The following MAN2A2 variants were observed in gnomAD, a reference collection of about 807,000 sequenced individuals.
MAN2A2 encodes alpha-mannosidase 2x.
In MAN2A2, 79 loss-of-function variants were observed where a neutral mutation model predicts 126.8. The ratio of observed to expected loss-of-function variants is 0.62; its 90% confidence interval spans 0.52 to 0.75. The LOEUF (loss-of-function observed/expected upper bound fraction) is 0.75, where lower values mean the gene tolerates loss of function less well. MAN2A2 is among the 30% of genes least tolerant of loss of function. The probability of loss-of-function intolerance (pLI) is 0.00; values close to 1 mark genes in which losing one functional copy is unlikely to be tolerated. For missense variants in MAN2A2, 1,392 were observed against 1,522.4 expected (o/e 0.91, Z 1.43); for synonymous variants, 671 against 618.7 (o/e 1.08, Z -1.25).
chr15:90,904,398 C>T (rs896224654), intron 2 of MAN2A2, 59 bp downstream of exon 2: 2 of 1,571,218 alleles, frequency 1.3e-6, no homozygotes, highest in African/African-American at 1.3e-5. Context: ...TCAGGGTATG[C>T]ACCTCCCACC....
At chr15:90,918,824 T>G (rs899745427) in intron 22 of MAN2A2, 69 bp downstream of exon 22, 4 of 1,121,062 alleles carry the variant, frequency 3.6e-6, no homozygotes. Flanking sequence ...GGGCTGAGAT[T>G]CGGTGACAGG....
Position 90,918,723 on chromosome 15 carries a change from T to C in MAN2A2, c.3268T>C (p.Leu1090=), listed in dbSNP as rs1190424155. The stretch of plus-strand genomic sequence containing the variant: ...TGACTGCGGCCTGGAGGCCAAGAAC[T>C]TGGGCTTCAACTGCACCACAAGCCA... ...GFDCGLEAKN[L]GFNCTTSQGK... Residue 1090 remains leucine, a synonymous_variant, in exon 22 of 23, where the codon TTG becomes CTG. Coordinates refer to ENST00000559717, the MANE Select transcript of MAN2A2 (RefSeq NM_006122.4). The C allele has an allele frequency of 1.3e-5, 20 of 1,521,500 alleles. 1 individual carries two copies. The highest frequency in any genetic ancestry group is 1.6e-5 in the Non-Finnish European group (18 of 1,096,364). The allele number at this position is 1,521,500 out of a possible 1,614,324, so 94.2% of individuals were successfully genotyped here. A position where few individuals can be genotyped will look rare whatever the true frequency, so the allele number is the denominator to read the frequency against.
At chr15:90,906,938 G>A (rs761745233) in intron 7 of MAN2A2, 25 bp downstream of exon 7, 1 of 1,611,766 alleles carries the variant, frequency 6.2e-7, no homozygotes, top group African/African-American at 1.3e-5. Flanking sequence ...GGTAGAGGGG[G>A]TTACTGCAGC....
Position 90,922,060 on chromosome 15 carries a change from A to C in MAN2A2, c.*2273A>C, listed in dbSNP as rs2035566968. On this transcript the variant is annotated 3_prime_UTR_variant, in exon 23 of 23. Coordinates refer to ENST00000559717, the MANE Select transcript of MAN2A2 (RefSeq NM_006122.4). ...TCTAAACTTTAACATGAGACTTAAA[A>C]GATATAATAAGGGAAAAGATAAGCA... 1 of 152,260 alleles carries C rather than the reference A, an allele frequency of 6.6e-6. No individual in the cohort carries two copies. The highest frequency in any genetic ancestry group is 2.4e-5 in the African/African-American group (1 of 41,470). The allele number at this position is 152,260 out of a possible 1,614,324, so 9.4% of individuals were successfully genotyped here. A position where few individuals can be genotyped will look rare whatever the true frequency, so the allele number is the denominator to read the frequency against.
intron 8 of MAN2A2, 96 bp downstream of exon 8, chr15:90,907,591 T>G: frequency 8.2e-7 from 1 of 1,219,092 alleles, no homozygotes; most frequent in South Asian, 1.4e-5. Context: ...GGTGGTGAGT[T>G]GAGGCTCCTA....
chr15:90,918,947 C>T (rs1354371207), intron 22 of MAN2A2, among the ~76,000 whole-genome samples, 192 bp downstream of exon 22: 1 of 152,310 alleles, frequency 6.6e-6, no homozygotes, highest in East Asian at 1.9e-4. Flanking sequence ...AGGTAGATCG[C>T]TTGAGAACTT....
chr15:90,912,325 C>T lies in MAN2A2; in HGVS notation c.2346+46C>T, dbSNP rs201429967. 21 of 1,598,684 alleles carry T rather than the reference C, an allele frequency of 1.3e-5. No individual in the cohort carries two copies. The highest frequency in any genetic ancestry group is 6.7e-5 in the African/African-American group (5 of 74,672). Reference sequence around the variant, plus strand: ...GGAAGGGCCAGGGGCCAGAGTAGGGCGTGTGTGGTGGTGGCACTGTGCAGA... The same window carrying T: ...GGAAGGGCCAGGGGCCAGAGTAGGGTGTGTGTGGTGGTGGCACTGTGCAGA... On this transcript the variant is annotated intron_variant, in intron 15 of 22. Transcript: ENST00000559717.
rs779507759 is a variant in MAN2A2, at chr15:90,919,995, G to A, written c.*208G>A. 81 of 584,698 alleles carry A rather than the reference G, an allele frequency of 1.4e-4. No individual in the cohort carries two copies. Among genetic ancestry groups the A allele is most frequent in the African/African-American group, 1.9e-4 (10 of 53,518 alleles). The allele number at this position is 584,698 out of a possible 1,614,324, so 36.2% of individuals were successfully genotyped here. On this transcript the variant is annotated 3_prime_UTR_variant, in exon 23 of 23. Transcript: ENST00000559717. The stretch of plus-strand genomic sequence containing the variant: ...TGATGGGTAAATAGGGCAGACGCCA[G>A]TGAGATCAGGGAGAGAAGGCCCTTG...
chr15:90,904,285 GGACC>G lies in MAN2A2; in HGVS notation c.81_84del (p.Asp27GlufsTer51). On this transcript the variant is annotated frameshift_variant, in exon 2 of 23. Transcript: ENST00000559717. LOFTEE classifies it high-confidence loss of function. ...CAGTCTTCTCGCTCTACCTCATGCTGGACCGAGTGCAACACGATCCCACCCGACA... is the reference window on the plus strand; with the variant it reads ...CAGTCTTCTCGCTCTACCTCATGCTGGAGTGCAACACGATCCCACCCGACA... The G allele has an allele frequency of 6.2e-7, 1 of 1,614,158 alleles. No individual in the cohort carries two copies. The highest frequency in any genetic ancestry group is 2.2e-5 in the East Asian group (1 of 44,882).
At position 90,906,424 on chromosome 15, in the gene MAN2A2, T is replaced by C. The variant is rs2072077; in HGVS notation, c.762T>C (p.Asp254=). The stretch of plus-strand genomic sequence containing the variant: ...CGACAGGAGGCTGGGTGATGCCAGA[T>C]GAGGCCAATTCCCACTACTTTGCAT... ...EIATGGWVMP[D]EANSHYFALI... is the part of the protein sequence containing the mutation. The change falls in exon 6 of 23, where the codon GAT becomes GAC. Residue 254 remains aspartate, a synonymous_variant. Transcript: ENST00000559717. The C allele has an allele frequency of 0.047, 75,555 of 1,614,080 alleles. 8,228 individuals are homozygous for C. Among genetic ancestry groups the C allele is most frequent in the East Asian group, 0.41 (18,481 of 44,862 alleles).
intron 11 of MAN2A2, 64 bp downstream of exon 11, chr15:90,910,747 G>T: frequency 6.2e-7 from 1 of 1,605,174 alleles, no homozygotes. Context: ...AGGACATTGG[G>T]TGGTCAGGGG....
rs150751359 is a variant in MAN2A2 at position 90,911,456 on chromosome 15, G to T, written c.2015G>T (p.Arg672Leu). The T allele has an allele frequency of 4.3e-6, 7 of 1,614,088 alleles. No individual in the cohort carries two copies. In the African/African-American group the frequency reaches 9.3e-5, roughly 22 times the overall value. Residue 672 changes from arginine (R) to leucine (L), a missense_variant, in exon 14 of 23, where the codon CGC (arginine) becomes CTC (leucine). Transcript: ENST00000559717. Reference sequence around the variant, plus strand: ...GTGTCCCTGCTGGTCAACTCTCCCCGCGTGCGTGTCCTTTCGGAGGAGGGT... The same window carrying T: ...GTGTCCCTGCTGGTCAACTCTCCCCTCGTGCGTGTCCTTTCGGAGGAGGGT... ...SMVSLLVNSPRVRVLSEEGQP... is the reference protein window; with the variant it reads ...SMVSLLVNSPLVRVLSEEGQP...
Position 90,910,931 on chromosome 15 carries a change from C to T in MAN2A2, c.1845C>T (p.His615=). 1 of 1,614,176 alleles carries T rather than the reference C, an allele frequency of 6.2e-7. No individual in the cohort carries two copies. Among genetic ancestry groups the T allele is most frequent in the Non-Finnish European group, 8.5e-7 (1 of 1,180,018 alleles). The change falls in exon 12 of 23, where the codon CAC becomes CAT. Residue 615 remains histidine, a synonymous_variant. Transcript: ENST00000559717. ...TGCTGGGGGACAAGGAGACCTACCACTTTGACCCTGAGGCGCCCTTCCTCC... is the reference window on the plus strand; with the variant it reads ...TGCTGGGGGACAAGGAGACCTACCATTTTGACCCTGAGGCGCCCTTCCTCC... ...YLVLGDKETY[H]FDPEAPFLQV...
chr15:90,911,624 C>CTG (rs1185260494), intron 14 of MAN2A2, 74 bp downstream of exon 14: 12 of 1,460,388 alleles, frequency 8.2e-6, no homozygotes, highest in Non-Finnish European at 1.1e-5. Flanking sequence ...CGACGCCAGC[C>CTG]TCCCACCCTC....
chr15:90,903,998 C>G (rs1478608572), intron 1 of MAN2A2, 192 bp from the exon 2 acceptor site: 1 of 650,236 alleles, frequency 1.5e-6, no homozygotes, highest in Non-Finnish European at 2.8e-6. Flanking sequence ...GGAGAGCGTC[C>G]TCTCCACCCT....
chr15:90,907,176 A>G, intron 7 of MAN2A2, 133 bp from the exon 8 acceptor site: 1 of 962,314 alleles, frequency 1.0e-6, no homozygotes, highest in East Asian at 2.5e-5. Flanking sequence ...CCTGGCCTAC[A>G]CACTCTCTCC....
In MAN2A2 at chr15:90,922,008, T is replaced by C. The variant is rs2035564823; in HGVS notation, c.*2221T>C. On this transcript the variant is annotated 3_prime_UTR_variant, in exon 23 of 23. Transcript: ENST00000559717. ...ATACCACAAAATTACTCAAAAATTT[T>C]TATACCTCTGGTGTGGGACGGTCTT... 6.6e-6 allele frequency: 1 copy of C among 152,194 alleles called. No homozygotes were observed. Among genetic ancestry groups the C allele is most frequent in the African/African-American group, 2.4e-5 (1 of 41,448 alleles). The allele number at this position is 152,194 out of a possible 1,614,324, so 9.4% of individuals were successfully genotyped here.
intron 18 of MAN2A2, 70 bp downstream of exon 18, chr15:90,913,476 A>C (rs1167016069): frequency 6.3e-7 from 1 of 1,578,016 alleles, no homozygotes; most frequent in East Asian, 2.2e-5. Flanking sequence ...CCCCTGTCAC[A>C]GGCCCTGGGG....
intron 19 of MAN2A2, 173 bp from the exon 20 acceptor site, chr15:90,915,950 C>T (rs2035138317): frequency 1.6e-6 from 1 of 620,076 alleles, no homozygotes; most frequent in African/African-American, 1.8e-5. Flanking sequence ...AGGACGAGCC[C>T]CTCATCAGGT....
Sources: gnomAD v4.1 joint callset for allele counts (sites outside exome capture counted in the v4.1 genomes callset) on GRCh38, gnomAD v4.1.1 for gene constraint, MANE v1.5 for transcripts, NCBI Gene and HGNC (gene_info 2026-07-23, HGNC 2026-07-21) for gene names.